Variants in ZBBX observed in about 807,000 individuals in gnomAD.
The protein encoded by ZBBX is zinc finger B-box domain containing.
In ZBBX, 101 loss-of-function variants were observed where a neutral mutation model predicts 108.5. That is an observed-to-expected ratio of 0.93 (90% CI 0.79 to 1.10). The LOEUF is 1.10. Among genes scored for constraint, ZBBX ranks in the 50% least tolerant of loss-of-function variants. The pLI is 0.00. For synonymous variants in ZBBX, 356 were observed against 323.4 expected, an observed-to-expected ratio of 1.10 and a Z score of -1.08; for missense variants, 1,009 against 941.4, an observed-to-expected ratio of 1.07 and a Z score of -0.94.
chr3:167,225,323 A>G, the ZBBX span, among the ~76,000 whole-genome samples: 1 of 151,894 alleles, frequency 6.6e-6, no homozygotes, highest in Admixed American at 6.6e-5. Flanking sequence ...ACTTTGCAAA[A>G]CACTTAAGAA....
At chr3:167,338,883 T>C (rs1399213727) in intron 9 of ZBBX, among the ~76,000 whole-genome samples, 1 of 152,152 alleles carries the variant, frequency 6.6e-6, no homozygotes, top group Admixed American at 6.6e-5. Context: ...GATTGGAACT[T>C]GGAAGGCTTT....
At chr3:167,398,529 T>G (rs1748319923) in intron 1 of ZBBX, among the ~76,000 whole-genome samples, 1 of 152,046 alleles carries the variant, frequency 6.6e-6, no homozygotes, top group African/African-American at 2.4e-5. Flanking sequence ...CTAGAAAATA[T>G]TTTCTATACC....
In ZBBX at chr3:167,269,571, C is replaced by T. The variant is rs115906417; in HGVS notation, c.2254+12667G>A. Among the ~76,000 whole-genome samples the T allele has an allele frequency of 6.1e-3, 931 of 152,178 alleles. 6 individuals carry two copies. The highest frequency in any genetic ancestry group is 0.022 in the African/African-American group (903 of 41,510). On this transcript the variant is annotated intron_variant, in intron 20 of 21. Coordinates refer to ENST00000675490, the MANE Select transcript of ZBBX (RefSeq NM_001199201.2). ...CACAATCCACATCAAGCTAAAAACC[C>T]CAGAGGAAGTGGTGAGGAGGAAGTA...
chr3:167,326,997 G>C (rs1737504468), intron 11 of ZBBX, among the ~76,000 whole-genome samples: 1 of 151,850 alleles, frequency 6.6e-6, no homozygotes, highest in South Asian at 2.1e-4. Flanking sequence ...GCAATTGGAA[G>C]ACACTACAAG....
the ZBBX span, among the ~76,000 whole-genome samples, chr3:167,218,229 A>T: frequency 6.6e-6 from 1 of 152,178 alleles, no homozygotes; most frequent in Non-Finnish European, 1.5e-5. Flanking sequence ...CTATGTAACA[A>T]ACCTTCACAT....
rs77670660 is a variant in ZBBX at position 167,296,711 on chromosome 3, G to T, written c.1879+1594C>A. Reference sequence around the variant, plus strand: ...GCAATGAAAACTATAAAACATTGCTGAAAGAAATTAAAGAAGCCACACATA... The same window carrying T: ...GCAATGAAAACTATAAAACATTGCTTAAAGAAATTAAAGAAGCCACACATA... On this transcript the variant is annotated intron_variant, in intron 18 of 21. Transcript: ENST00000675490. Among the ~76,000 whole-genome samples, 882 of 152,050 alleles carry T rather than the reference G, an allele frequency of 5.8e-3. 16 individuals carry two copies. Among genetic ancestry groups the T allele is most frequent in the East Asian group, 0.045 (234 of 5,182 alleles).
intron 9 of ZBBX, among the ~76,000 whole-genome samples, chr3:167,339,040 CT>C (rs1201494093): frequency 6.6e-6 from 1 of 152,052 alleles, no homozygotes; most frequent in Non-Finnish European, 1.5e-5. Context: ...ACAATCTGTT[CT>C]GATTTCTTTG....
chr3:167,229,040 T>C, the ZBBX span, among the ~76,000 whole-genome samples: 2 of 151,848 alleles, frequency 1.3e-5, no homozygotes, highest in Non-Finnish European at 2.9e-5. Context: ...TAATCCCTGA[T>C]GGCAAACCTT....
chr3:167,227,269 A>G, the ZBBX span, among the ~76,000 whole-genome samples: 1 of 151,816 alleles, frequency 6.6e-6, no homozygotes, highest in African/African-American at 2.4e-5. Context: ...CTAGACTATT[A>G]TAGATGGTGT....
At chr3:167,323,245 G>A (rs896914009) in intron 11 of ZBBX, among the ~76,000 whole-genome samples, 6 of 149,240 alleles carry the variant, frequency 4.0e-5, no homozygotes, top group African/African-American at 7.4e-5. Flanking sequence ...AAGAGGGGGG[G>A]GGGGGAAAGA....
At chr3:167,297,290 G>C (rs1004733221) in intron 18 of ZBBX, among the ~76,000 whole-genome samples, 2 of 151,768 alleles carry the variant, frequency 1.3e-5, no homozygotes, top group African/African-American at 4.8e-5. Flanking sequence ...ATTCAATGGG[G>C]GAAAGAAAGG....
the ZBBX span, among the ~76,000 whole-genome samples, chr3:167,197,268 G>A: frequency 6.6e-6 from 1 of 152,150 alleles, no homozygotes; most frequent in East Asian, 1.9e-4. Context: ...GCTGGGCACG[G>A]TGGCTCACGC....
rs1019333972 is a variant in ZBBX, at chr3:167,334,062, G to T, written c.529-77C>A. 1.4e-5 allele frequency: 14 copies of T among 980,044 alleles called. No homozygotes were observed. In the African/African-American group the frequency reaches 2.1e-4, roughly 15 times the overall value. The allele number at this position is 980,044 out of a possible 1,614,324, so 60.7% of individuals were successfully genotyped here. On this transcript the variant is annotated intron_variant, in intron 9 of 21. Transcript: ENST00000675490. ...AATTTATATACATTAACTCATATTT[G>T]TGTTATTCTATGACTCCCAGAATTA...
At position 167,301,647 on chromosome 3, in the gene ZBBX, T is replaced by A. The variant is rs188954449; in HGVS notation, c.1726-3189A>T. ...GTTCTAAATATTTCTACCTTCTATT[T>A]TAATTTTTTCATTAACCTGGACATA... On this transcript the variant is annotated intron_variant, in intron 17 of 21. Transcript: ENST00000675490. 1.9e-3 allele frequency among the ~76,000 whole-genome samples: 296 copies of A among 152,298 alleles called. 3 individuals carry two copies. Among genetic ancestry groups the A allele is most frequent in the Admixed American group, 0.016 (242 of 15,290 alleles).
chr3:167,239,646 T>C (rs567559417), downstream of ZBBX, among the ~76,000 whole-genome samples: 2 of 152,218 alleles, frequency 1.3e-5, no homozygotes, highest in Non-Finnish European at 2.9e-5. Context: ...ATTTATATTA[T>C]AGGTAAGACT....
At chr3:167,366,009 CACTAAA>C in intron 5 of ZBBX, 33 bp from the exon 6 acceptor site, 1 of 1,458,688 alleles carries the variant, frequency 6.9e-7, no homozygotes, top group Non-Finnish European at 9.5e-7. Flanking sequence ...AAAATGTAAT[CACTAAA>C]CACATTTCTC....
chr3:167,374,283 T>C (rs1434584240), intron 2 of ZBBX, among the ~76,000 whole-genome samples: 4 of 152,256 alleles, frequency 2.6e-5, no homozygotes, highest in African/African-American at 9.6e-5. Context: ...GAAAGAATTT[T>C]TCAACAAGAA....
chr3:167,360,753 A>T (rs1744371950), intron 6 of ZBBX, 30 bp from the exon 7 acceptor site: 1 of 1,343,558 alleles, frequency 7.4e-7, no homozygotes, highest in Non-Finnish European at 9.8e-7. Flanking sequence ...ACTATTTGTC[A>T]GGTATATATT....
the ZBBX span, among the ~76,000 whole-genome samples, chr3:167,210,910 C>T: frequency 5.3e-5 from 8 of 151,928 alleles, no homozygotes; most frequent in South Asian, 2.1e-4. Context: ...CTACAAGAAA[C>T]GCTAAAGGGA....
Sources: allele counts gnomAD v4.1 joint callset (sites outside exome capture counted in the v4.1 genomes callset), GRCh38; gene constraint gnomAD v4.1.1; transcripts MANE v1.5; gene names NCBI Gene and HGNC (gene_info 2026-07-23, HGNC 2026-07-21).